The following VEPH1 variants were observed in gnomAD, a reference collection of about 807,000 sequenced individuals.
VEPH1 encodes the protein ventricular zone expressed PH domain containing 1, also known as ventricular zone-expressed PH domain-containing protein homolog 1.
A neutral mutation model predicts 85.2 loss-of-function variants in VEPH1; 80 were observed. The observed-to-expected ratio is 0.94, with a 90% CI of 0.78 to 1.13. VEPH1 has a LOEUF of 1.13. Ranked by LOEUF, VEPH1 falls within the 50% of genes most tolerant of loss-of-function variation. The pLI is 0.00. For missense variants in VEPH1, 955 were observed against 980.5 expected (o/e 0.97, Z 0.35); for synonymous variants, 297 against 348.0 (o/e 0.85, Z 1.63).
At chr3:157,348,270 A>G (rs1724466662) in intron 9 of VEPH1, among the ~76,000 whole-genome samples, 1 of 152,174 alleles carries the variant, frequency 6.6e-6, no homozygotes, top group African/African-American at 2.4e-5. Flanking sequence ...ATAAATGCCC[A>G]GTAGTGGGAT....
intron 2 of VEPH1, chr3:157,489,049 A>G: frequency 2.2e-6 from 1 of 452,382 alleles, no homozygotes; most frequent in Non-Finnish European, 4.4e-6. Context: ...TCATCTGAAC[A>G]CTTACCACCA....
At chr3:157,395,163 A>C (rs1157627001) in intron 6 of VEPH1, among the ~76,000 whole-genome samples, 1 of 152,230 alleles carries the variant, frequency 6.6e-6, no homozygotes, top group Non-Finnish European at 1.5e-5. Context: ...ATACCATGGC[A>C]GTCGACAAGG....
At chr3:157,432,498 G>A (rs531179981) in intron 4 of VEPH1, among the ~76,000 whole-genome samples, 7 of 152,092 alleles carry the variant, frequency 4.6e-5, no homozygotes, top group Admixed American at 6.5e-5. Flanking sequence ...GGAGGAAGAA[G>A]TTTAATTATA....
intron 9 of VEPH1, among the ~76,000 whole-genome samples, chr3:157,340,779 G>C (rs1245054779): frequency 6.6e-6 from 1 of 152,194 alleles, no homozygotes; most frequent in East Asian, 1.9e-4. Context: ...CCCCCCAGTA[G>C]GGGCAGACTG....
chr3:157,465,831 C>T (rs1426771969), intron 3 of VEPH1, among the ~76,000 whole-genome samples: 1 of 152,082 alleles, frequency 6.6e-6, no homozygotes, highest in Non-Finnish European at 1.5e-5. Flanking sequence ...ATTCTATTAC[C>T]CCTGTTACCC....
At chr3:157,363,285 A>G in intron 9 of VEPH1, 79 bp downstream of exon 9, 1 of 1,370,308 alleles carries the variant, frequency 7.3e-7, no homozygotes, top group Non-Finnish European at 9.8e-7. Context: ...AGAGTATGCT[A>G]ATTTACCTGA....
At chr3:157,338,853 GT>G (rs1559971397) in intron 9 of VEPH1, among the ~76,000 whole-genome samples, 1 of 152,218 alleles carries the variant, frequency 6.6e-6, no homozygotes, top group East Asian at 1.9e-4. Context: ...GGGCAGACTT[GT>G]CCCTTGCTCC....
At chr3:157,497,915 A>G (rs910674116) in intron 1 of VEPH1, among the ~76,000 whole-genome samples, 1 of 152,172 alleles carries the variant, frequency 6.6e-6, no homozygotes, top group African/African-American at 2.4e-5. Context: ...GAGAGGTGAG[A>G]CTTACACATT....
chr3:157,478,111 T>C (rs1220783617), intron 2 of VEPH1, among the ~76,000 whole-genome samples: 1 of 152,066 alleles, frequency 6.6e-6, no homozygotes, highest in African/African-American at 2.4e-5. Flanking sequence ...TTTTCTGTGG[T>C]CAAAGGGAAT....
intron 2 of VEPH1, among the ~76,000 whole-genome samples, chr3:157,474,113 T>C (rs771585366): frequency 6.6e-6 from 1 of 152,196 alleles, no homozygotes; most frequent in Non-Finnish European, 1.5e-5. Context: ...ATAAAGGATT[T>C]TGGAAGATTT....
intron 6 of VEPH1, among the ~76,000 whole-genome samples, chr3:157,404,233 G>C (rs988840356): frequency 8.5e-5 from 13 of 152,086 alleles, no homozygotes; most frequent in Admixed American, 5.2e-4. Flanking sequence ...CTAATTACTT[G>C]AGGGGGGGTT....
At chr3:157,338,939 G>A (rs1052224644) in intron 9 of VEPH1, among the ~76,000 whole-genome samples, 1 of 152,182 alleles carries the variant, frequency 6.6e-6, no homozygotes, top group African/African-American at 2.4e-5. Context: ...GCCTAGTGCT[G>A]TGCCAGACAC....
At chr3:157,477,043 A>G (rs942872246) in intron 2 of VEPH1, among the ~76,000 whole-genome samples, 2 of 152,184 alleles carry the variant, frequency 1.3e-5, no homozygotes, top group Non-Finnish European at 2.9e-5. Flanking sequence ...TCTTCTTGTT[A>G]TAGTTGCAAA....
At chr3:157,438,829 A>G (rs1733890090) in intron 4 of VEPH1, among the ~76,000 whole-genome samples, 1 of 152,244 alleles carries the variant, frequency 6.6e-6, no homozygotes, top group African/African-American at 2.4e-5. Context: ...AACTTCTAAG[A>G]AATGGTGGTG....
intron 9 of VEPH1, among the ~76,000 whole-genome samples, chr3:157,330,870 G>T (rs1177170490): frequency 6.6e-6 from 1 of 152,176 alleles, no homozygotes; most frequent in African/African-American, 2.4e-5. Flanking sequence ...TCTGGGTTGG[G>T]AATAAACAAA....
chr3:157,399,996 A>G (rs897200301), intron 6 of VEPH1, among the ~76,000 whole-genome samples: 1 of 152,088 alleles, frequency 6.6e-6, no homozygotes, highest in Admixed American at 6.5e-5. Context: ...GTAATTGAAT[A>G]TATTTTTCTA....
intron 6 of VEPH1, among the ~76,000 whole-genome samples, chr3:157,398,115 C>A (rs1025716229): frequency 2.6e-5 from 4 of 152,154 alleles, no homozygotes; most frequent in African/African-American, 9.7e-5. Context: ...ATTTAAGCTA[C>A]TTCTTCATGT....
intron 9 of VEPH1, among the ~76,000 whole-genome samples, chr3:157,332,176 T>A (rs755659412): frequency 1.3e-5 from 2 of 152,224 alleles, no homozygotes; most frequent in South Asian, 4.1e-4. Context: ...ATATTAAGTA[T>A]GGAGTTTATC....
intron 3 of VEPH1, among the ~76,000 whole-genome samples, chr3:157,466,006 C>A (rs1053680138): frequency 6.6e-6 from 1 of 152,148 alleles, no homozygotes; most frequent in African/African-American, 2.4e-5. Context: ...GAGGATAAAG[C>A]CAGGCATTGG....
Sources: allele counts gnomAD v4.1 joint callset (sites outside exome capture counted in the v4.1 genomes callset), GRCh38; gene constraint gnomAD v4.1.1; transcripts MANE v1.5; gene names NCBI Gene and HGNC (gene_info 2026-07-23, HGNC 2026-07-21).